Variants in DPH6 observed in about 807,000 individuals in gnomAD.
DPH6 encodes the protein diphthamine biosynthesis 6, also known as diphthine--ammonia ligase.
DPH6 carries 33 observed loss-of-function variants against 38.2 expected under a neutral mutation model. The observed-to-expected ratio is 0.86, with a 90% confidence interval of 0.65 to 1.15. The LOEUF is 1.15. DPH6 is among the 50% of genes most tolerant of loss of function. DPH6 has a pLI of 0.00. For missense variants in DPH6, 325 were observed against 320.0 expected (o/e 1.02, Z -0.12); for synonymous variants, 108 against 103.0 (o/e 1.05, Z -0.30).
At chr15:35,259,184 C>T (rs1271957858) in intron 3 of DPH6, among the ~76,000 whole-genome samples, 1 of 151,680 alleles carries the variant, frequency 6.6e-6, no homozygotes, top group Non-Finnish European at 1.5e-5. Flanking sequence ...GTGATCATCC[C>T]TTCCTTGCTT....
intron 5 of DPH6, among the ~76,000 whole-genome samples, chr15:35,434,121 A>G (rs1441792228): frequency 1.3e-5 from 2 of 152,234 alleles, no homozygotes; most frequent in East Asian, 3.9e-4. Context: ...CAGCAGATAC[A>G]TTTCTGAAAA....
At chr15:35,278,198 C>T (rs1236342200) in intron 3 of DPH6, among the ~76,000 whole-genome samples, 2 of 152,178 alleles carry the variant, frequency 1.3e-5, no homozygotes, top group African/African-American at 4.8e-5. Flanking sequence ...ACGCCAAGGA[C>T]ACTGCTGCCC....
At chr15:35,153,378 A>G in the DPH6 span, among the ~76,000 whole-genome samples, 2 of 152,138 alleles carry the variant, frequency 1.3e-5, no homozygotes, top group African/African-American at 2.4e-5. Flanking sequence ...ATTATAGTTT[A>G]TTGCCTAAGA....
At chr15:35,494,376 C>T (rs2054521716) in intron 3 of DPH6, among the ~76,000 whole-genome samples, 1 of 151,938 alleles carries the variant, frequency 6.6e-6, no homozygotes, top group South Asian at 2.1e-4. Flanking sequence ...TTCAAAATAT[C>T]AAAGCAAAGT....
intron 3 of DPH6, among the ~76,000 whole-genome samples, chr15:35,255,088 C>G (rs1595448297): frequency 6.6e-6 from 1 of 152,244 alleles, no homozygotes; most frequent in South Asian, 2.1e-4. Flanking sequence ...ATGGCCTGGG[C>G]TCAGAGGCCT....
chr15:35,222,062 C>T (rs984740037), intron 3 of DPH6, among the ~76,000 whole-genome samples: 1 of 152,178 alleles, frequency 6.6e-6, no homozygotes, highest in African/African-American at 2.4e-5. Flanking sequence ...TTTCTCATTT[C>T]TGAGAGTTCA....
At chr15:35,501,241 C>T (rs570666682) in intron 3 of DPH6, among the ~76,000 whole-genome samples, 23 of 152,074 alleles carry the variant, frequency 1.5e-4, no homozygotes, top group Non-Finnish European at 2.9e-4. Context: ...CTTACTTTCA[C>T]ATTTATAGCA....
chr15:35,500,886 A>T (rs1038093583), intron 3 of DPH6, among the ~76,000 whole-genome samples: 2 of 151,968 alleles, frequency 1.3e-5, no homozygotes, highest in Non-Finnish European at 2.9e-5. Flanking sequence ...GATTACAGGC[A>T]CCTGCCACCA....
At chr15:35,518,272 G>A (rs1167160875) in intron 3 of DPH6, among the ~76,000 whole-genome samples, 1 of 151,948 alleles carries the variant, frequency 6.6e-6, no homozygotes, top group Non-Finnish European at 1.5e-5. Context: ...GAAAGAGAGG[G>A]ACTCTAGGTC....
the DPH6 span, among the ~76,000 whole-genome samples, chr15:35,146,069 C>CTGTG: frequency 2.4e-3 from 352 of 147,186 alleles, 1 homozygote; most frequent in African/African-American, 8.0e-3. Context: ...CTTATAGTTT[C>CTGTG]TGTGTGTGTG....
chr15:35,519,114 T>C (rs2054886280), intron 3 of DPH6: 1 of 151,892 alleles, frequency 6.6e-6, no homozygotes, highest in Non-Finnish European at 1.5e-5. Context: ...ACTTCACATC[T>C]AGTTGCATTT....
At chr15:35,180,119 A>G in the DPH6 span, among the ~76,000 whole-genome samples, 1 of 152,172 alleles carries the variant, frequency 6.6e-6, no homozygotes, top group African/African-American at 2.4e-5. Flanking sequence ...TAGAGAGAGA[A>G]GGTGACTGTC....
At chr15:35,495,296 C>T (rs988324367) in intron 3 of DPH6, among the ~76,000 whole-genome samples, 1 of 152,084 alleles carries the variant, frequency 6.6e-6, no homozygotes, top group African/African-American at 2.4e-5. Flanking sequence ...ACATTGTTCG[C>T]AGATACAAAG....
intron 3 of DPH6, among the ~76,000 whole-genome samples, chr15:35,245,179 C>T (rs1157818785): frequency 1.7e-4 from 26 of 149,714 alleles, no homozygotes; most frequent in Admixed American, 1.7e-3. Context: ...TTCTCTAATA[C>T]GTATGTAGTT....
chr15:35,228,044 T>C (rs996089244), intron 3 of DPH6, among the ~76,000 whole-genome samples: 5 of 152,188 alleles, frequency 3.3e-5, no homozygotes, highest in Non-Finnish European at 7.3e-5. Flanking sequence ...ACCTAATATA[T>C]GGTTTTTCCT....
At chr15:35,417,864 A>G (rs1421781386) in intron 5 of DPH6, among the ~76,000 whole-genome samples, 1 of 152,048 alleles carries the variant, frequency 6.6e-6, no homozygotes, top group Non-Finnish European at 1.5e-5. Flanking sequence ...CAATTTCAGT[A>G]TGCTTTAAAA....
chr15:35,351,720 CTTTTTTT>C (rs758678929), intron 3 of DPH6, among the ~76,000 whole-genome samples: 4 of 136,404 alleles, frequency 2.9e-5, no homozygotes, highest in Admixed American at 1.5e-4. Context: ...TGTCAGACTT[CTTTTTTT>C]TTTTTTTTTT....
intron 3 of DPH6, among the ~76,000 whole-genome samples, chr15:35,488,858 T>A (rs11073099): frequency 0.62 from 94,473 of 152,062 alleles, 33,383 homozygotes; most frequent in South Asian, 0.82. Context: ...ATAAAGAGAC[T>A]TGTATTTTAC....
Position 35,256,630 on chromosome 15 carries a change from G to C in DPH6, n.201-36048C>G, listed in dbSNP as rs1175534954. 2.0e-5 allele frequency among the ~76,000 whole-genome samples: 3 copies of C among 152,186 alleles called. No homozygotes were observed. In the East Asian group the frequency reaches 5.8e-4, roughly 29 times the overall value. On this transcript the variant is annotated intron_variant and non_coding_transcript_variant, in intron 3 of 3. Coordinates refer to the DPH6 transcript ENST00000560386. ...ATGGAAAGTACTTCATTGCTAATTA[G>C]TAGTGTAGTAGATGTCAAGATCTGT...
Sources: gnomAD v4.1 joint callset for allele counts (sites outside exome capture counted in the v4.1 genomes callset) on GRCh38, gnomAD v4.1.1 for gene constraint, MANE v1.5 for transcripts, NCBI Gene and HGNC (gene_info 2026-07-23, HGNC 2026-07-21) for gene names.